The following ANKHD1 variants were observed in gnomAD, a reference collection of about 807,000 sequenced individuals.
ANKHD1 encodes the protein ankyrin repeat and KH domain containing 1.
In ANKHD1, 31 loss-of-function variants were observed where a neutral mutation model predicts 230.5. That is an observed-to-expected ratio of 0.13 (90% CI 0.10 to 0.18). The LOEUF (loss-of-function observed/expected upper bound fraction) is 0.18, where lower values mean the gene tolerates loss of function less well. ANKHD1 is among the 10% of genes least tolerant of loss of function. The pLI is 1.00. For synonymous variants in ANKHD1, 1,074 were observed against 1,117.6 expected, an observed-to-expected ratio of 0.96 and a Z score of 0.78; for missense variants, 2,256 against 3,071.3, an observed-to-expected ratio of 0.73 and a Z score of 6.27.
intron 1 of ANKHD1, among the ~76,000 whole-genome samples, chr5:140,428,259 C>T (rs560528573): frequency 0.014 from 2,150 of 152,298 alleles, 56 homozygotes; most frequent in African/African-American, 0.049. Flanking sequence ...GCTGCAATCT[C>T]GGCACTTTGG....
intron 1 of ANKHD1, among the ~76,000 whole-genome samples, chr5:140,404,091 G>A (rs1007286848): frequency 1.3e-5 from 2 of 152,198 alleles, no homozygotes; most frequent in Non-Finnish European, 2.9e-5. Context: ...AAGCCAAGGT[G>A]AGAGAAATGT....
intron 9 of ANKHD1, among the ~76,000 whole-genome samples, chr5:140,461,007 T>A (rs1443825466): frequency 2.0e-5 from 3 of 152,238 alleles, no homozygotes; most frequent in Non-Finnish European, 4.4e-5. Context: ...GTTATCTTTG[T>A]ACATTCTTCC....
chr5:140,419,788 T>TTCTCTCTC (rs760958601), intron 1 of ANKHD1, among the ~76,000 whole-genome samples: 6 of 87,964 alleles, frequency 6.8e-5, no homozygotes, highest in South Asian at 4.3e-4. Context: ...CTTTCTTTCT[T>TTCTCTCTC]TCTTTCTTTC....
chr5:140,473,845 C>G (rs1438930401), intron 10 of ANKHD1, among the ~76,000 whole-genome samples: 1 of 152,156 alleles, frequency 6.6e-6, no homozygotes, highest in Non-Finnish European at 1.5e-5. Flanking sequence ...ATCTTTCTCT[C>G]TAGCTGCAAG....
At chr5:140,442,514 C>T (rs1032933594) in intron 5 of ANKHD1, among the ~76,000 whole-genome samples, 3 of 152,094 alleles carry the variant, frequency 2.0e-5, no homozygotes, top group African/African-American at 7.2e-5. Flanking sequence ...CCTCGCCCGT[C>T]ATTTATTTGA....
At chr5:140,426,855 T>A (rs952880891) in intron 1 of ANKHD1, among the ~76,000 whole-genome samples, 4 of 152,220 alleles carry the variant, frequency 2.6e-5, no homozygotes, top group Admixed American at 2.0e-4. Context: ...ATCAACAGGA[T>A]CCCATGGCAG....
rs1230360414 is a variant in ANKHD1, at chr5:140,496,910, T to C, written c.2636T>C (p.Phe879Ser). ...LHQQCSHRGV[F>S]PEGEGDGSLP... ...CAACAGTGCTCTCATAGAGGAGTCT[T>C]CCCAGAAGGGGAAGGAGATGGTAGT... The change falls in exon 15 of 34, where the codon TTC (phenylalanine) becomes TCC (serine). Residue 879 changes from phenylalanine to serine, a missense_variant. Phe to Ser is a radical substitution (Grantham distance 155, BLOSUM62 -2). Transcript: ENST00000360839. 1 of 1,614,082 alleles carries C rather than the reference T, an allele frequency of 6.2e-7. No individual in the cohort carries two copies. Among genetic ancestry groups the C allele is most frequent in the Non-Finnish European group, 8.5e-7 (1 of 1,180,044 alleles).
At chr5:140,412,463 AG>A (rs1771017251) in intron 1 of ANKHD1, among the ~76,000 whole-genome samples, 1 of 152,272 alleles carries the variant, frequency 6.6e-6, no homozygotes, top group African/African-American at 2.4e-5. Flanking sequence ...TGGCCGGAAA[AG>A]TTTTATATTT....
In ANKHD1 at chr5:140,486,938, T is replaced by G. The variant is rs1200364440; in HGVS notation, c.2143-20T>G. ...TTATTCTTTGGTCTGAGATGATTTT[T>G]TTCTGAGTTGACTTTTTAGGTGCCA... is the stretch of plus-strand genomic sequence containing the variant. On this transcript the variant is annotated intron_variant, in intron 13 of 33. Transcript: ENST00000360839. The G allele has an allele frequency of 4.4e-6, 7 of 1,605,296 alleles. No individual in the cohort carries two copies. The highest frequency in any genetic ancestry group is 6.0e-6 in the Non-Finnish European group (7 of 1,175,498).
chr5:140,438,872 T>G (rs1773643946), intron 3 of ANKHD1, among the ~76,000 whole-genome samples: 1 of 152,262 alleles, frequency 6.6e-6, no homozygotes, highest in South Asian at 2.1e-4. Flanking sequence ...AAATCCAAAC[T>G]GAATAAGATC....
chr5:140,426,534 T>G (rs1432765512), intron 1 of ANKHD1, among the ~76,000 whole-genome samples: 1 of 152,002 alleles, frequency 6.6e-6, no homozygotes, highest in Non-Finnish European at 1.5e-5. Flanking sequence ...ATTTATTTTT[T>G]TATTGATCAT....
chr5:140,528,167 T>G lies in ANKHD1; in HGVS notation c.5238-17T>G. The G allele has an allele frequency of 6.5e-7, 1 of 1,531,712 alleles. No homozygotes were observed. 94.9% of individuals were successfully genotyped at this position (1,531,712 alleles called of 1,614,324 possible). A position where few individuals can be genotyped will look rare whatever the true frequency, so the allele number is the denominator to read the frequency against. On this transcript the variant is annotated splice_polypyrimidine_tract_variant and intron_variant, in intron 28 of 33. Transcript: ENST00000360839. ...TTAATGTTTTTGGTCTTGTTTCTGT[T>G]TTTTTTTTTCCCTTAGGGGTGGCAC...
Position 140,458,748 on chromosome 5 carries a change from C to G in ANKHD1, c.1366C>G (p.Leu456Val). The G allele has an allele frequency of 1.2e-6, 2 of 1,613,006 alleles. No homozygotes were observed. Among genetic ancestry groups the G allele is most frequent in the Non-Finnish European group, 1.7e-6 (2 of 1,179,726 alleles). Residue 456 changes from leucine (L) to valine (V), a missense_variant, in exon 8 of 34, where the codon CTA (leucine) becomes GTA (valine). By Grantham distance (32) the Leu-to-Val change is conservative. Transcript: ENST00000360839. ...ACGGHVELAA[L>V]LIERGANLEE... ...TGGAGGACATGTTGAATTGGCAGCT[C>G]TACTTATTGAAAGGGGAGCAAATCT...
intron 10 of ANKHD1, among the ~76,000 whole-genome samples, chr5:140,475,101 A>G (rs1750890851): frequency 6.6e-6 from 1 of 152,188 alleles, no homozygotes; most frequent in Non-Finnish European, 1.5e-5. Flanking sequence ...TTTCTATGTT[A>G]TTGTGTATTG....
At chr5:140,519,873 G>A (rs1753235576) in intron 24 of ANKHD1, among the ~76,000 whole-genome samples, 1 of 151,902 alleles carries the variant, frequency 6.6e-6, no homozygotes, top group Non-Finnish European at 1.5e-5. Flanking sequence ...CATGGGCAAG[G>A]ACCTCATGTC....
intron 1 of ANKHD1, among the ~76,000 whole-genome samples, chr5:140,414,003 A>G (rs1771150629): frequency 6.6e-6 from 1 of 151,444 alleles, no homozygotes; most frequent in Non-Finnish European, 1.5e-5. Flanking sequence ...CTTGTCTCAA[A>G]CTCCTGACCT....
intron 1 of ANKHD1, among the ~76,000 whole-genome samples, chr5:140,433,860 G>T (rs1026875301): frequency 2.6e-5 from 4 of 152,060 alleles, no homozygotes; most frequent in African/African-American, 9.7e-5. Context: ...CCAACTGGCA[G>T]GTATGTATAT....
chr5:140,492,019 C>T (rs563974525), intron 14 of ANKHD1, among the ~76,000 whole-genome samples: 21 of 152,214 alleles, frequency 1.4e-4, no homozygotes, highest in African/African-American at 5.1e-4. Flanking sequence ...AAAACAGAAG[C>T]GTAAATGTAA....
Position 140,401,863 on chromosome 5 carries a change from G to T in ANKHD1, c.-105G>T, listed in dbSNP as rs1468405594. On this transcript the variant is annotated 5_prime_UTR_variant, in exon 1 of 34. Transcript: ENST00000360839. Reference sequence around the variant, plus strand: ...GAAGTTAGTGGCGCTGCTGGGACGGGGGAAAGGAGACGCTTCTTCCTCTTG... The same window carrying T: ...GAAGTTAGTGGCGCTGCTGGGACGGTGGAAAGGAGACGCTTCTTCCTCTTG... 1 of 1,427,722 alleles carries T rather than the reference G, an allele frequency of 7.0e-7. No individual in the cohort carries two copies. The allele number at this position is 1,427,722 out of a possible 1,614,324, so 88.4% of individuals were successfully genotyped here. A position where few individuals can be genotyped will look rare whatever the true frequency, so the allele number is the denominator to read the frequency against.
Sources: allele counts gnomAD v4.1 joint callset (sites outside exome capture counted in the v4.1 genomes callset), GRCh38; gene constraint gnomAD v4.1.1; transcripts MANE v1.5; gene names NCBI Gene and HGNC (gene_info 2026-07-23, HGNC 2026-07-21).